Variants in RALGAPA2 observed in about 807,000 individuals in gnomAD.
RALGAPA2 encodes the protein Ral GTPase activating protein catalytic subunit alpha 2, also known as ral GTPase-activating protein subunit alpha-2.
RALGAPA2 carries 139 observed loss-of-function variants against 230.4 expected under a neutral mutation model. That is an observed-to-expected ratio of 0.60 (90% confidence interval 0.53 to 0.69). The LOEUF is 0.69. Ranked by LOEUF, RALGAPA2 falls within the 30% of genes least tolerant of loss-of-function variation. The pLI is 0.00. For synonymous variants in RALGAPA2, 847 were observed against 837.8 expected (o/e 1.01, Z -0.19); for missense variants, 2,163 against 2,276.0 (o/e 0.95, Z 1.01).
chr20:20,675,693 T>C (rs942393107), intron 3 of RALGAPA2, among the ~76,000 whole-genome samples: 9 of 152,128 alleles, frequency 5.9e-5, no homozygotes, highest in Non-Finnish European at 7.3e-5. Flanking sequence ...ATATGATCAA[T>C]GCACACAGAT....
chr20:20,589,310 T>C lies in RALGAPA2; in HGVS notation c.2397A>G (p.Gln799=). 6.3e-7 allele frequency: 1 copy of C among 1,590,150 alleles called. No homozygotes were observed. The highest frequency in any genetic ancestry group is 8.6e-7 in the Non-Finnish European group (1 of 1,166,562). Residue 799 remains glutamine (Q), a synonymous_variant, in exon 18 of 40, where the codon CAA becomes CAG. Transcript: ENST00000202677. ...CTCTCTTCACATGTCCTTTATTCTC[T>C]TGAATAGGCTGAGGCTCTGAAGAAC... ...NSSSSEPQPI[Q]ENKGHVKREH... is the part of the protein sequence containing the mutation.
intron 16 of RALGAPA2, among the ~76,000 whole-genome samples, chr20:20,601,053 T>C (rs2065629917): frequency 6.6e-6 from 1 of 151,586 alleles, no homozygotes; most frequent in Admixed American, 6.6e-5. Flanking sequence ...TGAGCTGAGA[T>C]CACACCATTG....
intron 10 of RALGAPA2, among the ~76,000 whole-genome samples, chr20:20,626,026 C>T (rs2066479802): frequency 2.0e-5 from 3 of 152,202 alleles, no homozygotes. Context: ...AGCATTTATT[C>T]CCAAGTCACT....
rs1179345417 is a variant in RALGAPA2, at chr20:20,511,696, A to G, written c.4857-371T>C. Among the ~76,000 whole-genome samples, 3 of 152,146 alleles carry G rather than the reference A, an allele frequency of 2.0e-5. No homozygotes were observed. In the South Asian group the frequency reaches 6.2e-4, roughly 32 times the overall value. ...CCAGCTCAAATCCTCCCCTTTCCAC[A>G]AAGTCTTCTCCATTGCTCTGTACTT... On this transcript the variant is annotated intron_variant, in intron 32 of 39. Coordinates refer to ENST00000202677, the MANE Select transcript of RALGAPA2 (RefSeq NM_020343.4).
intron 23 of RALGAPA2, among the ~76,000 whole-genome samples, chr20:20,551,479 C>A (rs983950171): frequency 2.0e-5 from 3 of 152,184 alleles, no homozygotes. Flanking sequence ...GTGAAAAGAT[C>A]ACTAAGATGA....
intron 38 of RALGAPA2, 132 bp from the exon 39 acceptor site, chr20:20,396,866 A>C: frequency 2.7e-6 from 2 of 740,588 alleles, no homozygotes; most frequent in Non-Finnish European, 4.6e-6. Flanking sequence ...CTTGTCAATC[A>C]GTAAAAACTG....
chr20:20,674,692 T>C (rs755441473), intron 3 of RALGAPA2, among the ~76,000 whole-genome samples: 17 of 152,212 alleles, frequency 1.1e-4, no homozygotes, highest in Non-Finnish European at 2.4e-4. Context: ...TTTAAAAACA[T>C]GGATAAATCT....
intron 35 of RALGAPA2, among the ~76,000 whole-genome samples, chr20:20,502,994 G>A (rs957249237): frequency 3.3e-5 from 5 of 152,158 alleles, no homozygotes; most frequent in African/African-American, 1.2e-4. Context: ...CAACAGTGGG[G>A]CGGCTGAGCA....
intron 20 of RALGAPA2, among the ~76,000 whole-genome samples, chr20:20,581,732 AT>A (rs535119916): frequency 1.4e-4 from 22 of 152,246 alleles, no homozygotes; most frequent in South Asian, 1.2e-3. Context: ...TCATATGTTA[AT>A]TTTATGAAGT....
At chr20:20,537,439 GT>G (rs1228404930) in intron 24 of RALGAPA2, among the ~76,000 whole-genome samples, 1 of 151,878 alleles carries the variant, frequency 6.6e-6, no homozygotes, top group Non-Finnish European at 1.5e-5. Context: ...GGCCAACATG[GT>G]GAAACCTCTT....
chr20:20,405,149 T>C (rs1182095468), intron 38 of RALGAPA2, among the ~76,000 whole-genome samples: 1 of 152,232 alleles, frequency 6.6e-6, no homozygotes, highest in African/African-American at 2.4e-5. Context: ...AGGCAAGTTT[T>C]CATTCTCCTC....
chr20:20,465,197 A>ACTCTCT (rs1556066775), intron 37 of RALGAPA2, among the ~76,000 whole-genome samples: 1 of 147,342 alleles, frequency 6.8e-6, no homozygotes, highest in Admixed American at 6.8e-5. Flanking sequence ...ACACACACAC[A>ACTCTCT]CTCTCTCATA....
chr20:20,459,122 G>C (rs1379611118), intron 37 of RALGAPA2, among the ~76,000 whole-genome samples: 1 of 151,818 alleles, frequency 6.6e-6, no homozygotes, highest in African/African-American at 2.4e-5. Flanking sequence ...ACTGAGCTTA[G>C]ATGGACCCCT....
At position 20,465,518 on chromosome 20, in the gene RALGAPA2, G is replaced by C. The variant is rs553365379; in HGVS notation, c.5495+7311C>G. 4.6e-5 allele frequency among the ~76,000 whole-genome samples: 7 copies of C among 152,282 alleles called. No individual in the cohort carries two copies. In the South Asian group the frequency reaches 1.0e-3, roughly 23 times the overall value. On this transcript the variant is annotated intron_variant, in intron 37 of 39. Coordinates refer to ENST00000202677, the MANE Select transcript of RALGAPA2 (RefSeq NM_020343.4). ...CCCACTGGGGATGGAGCTGAGAGAGGGGGGAAAGAGAGAAAGAAGGAAGAA... is the reference window on the plus strand; with the variant it reads ...CCCACTGGGGATGGAGCTGAGAGAGCGGGGAAAGAGAGAAAGAAGGAAGAA...
chr20:20,701,954 C>G (rs1255670165), intron 1 of RALGAPA2, among the ~76,000 whole-genome samples: 2 of 148,860 alleles, frequency 1.3e-5, no homozygotes, highest in Non-Finnish European at 3.0e-5. Flanking sequence ...GCAGGAGAAT[C>G]GCTTGAACCT....
chr20:20,538,322 C>T (rs933337575), intron 24 of RALGAPA2, among the ~76,000 whole-genome samples: 3 of 152,088 alleles, frequency 2.0e-5, no homozygotes, highest in African/African-American at 7.2e-5. Flanking sequence ...CTGCTAAGGG[C>T]CACAGAGGAG....
At chr20:20,568,420 T>C (rs1018211577) in intron 23 of RALGAPA2, among the ~76,000 whole-genome samples, 9 of 152,212 alleles carry the variant, frequency 5.9e-5, no homozygotes, top group African/African-American at 2.2e-4. Flanking sequence ...TACATTTTTC[T>C]GGCTGTTTGG....
chr20:20,676,346 A>C (rs1348642560), intron 2 of RALGAPA2, 58 bp from the exon 3 acceptor site: 6 of 1,179,474 alleles, frequency 5.1e-6, no homozygotes, highest in Non-Finnish European at 7.3e-6. Flanking sequence ...AGGACACTAC[A>C]AATTATGCTA....
chr20:20,710,947 A>G (rs748615442), intron 1 of RALGAPA2, among the ~76,000 whole-genome samples: 8 of 152,188 alleles, frequency 5.3e-5, no homozygotes, highest in Non-Finnish European at 1.2e-4. Flanking sequence ...AACTCCACAC[A>G]ATGCAACCTG....
Sources: gnomAD v4.1 joint callset for allele counts (sites outside exome capture counted in the v4.1 genomes callset) on GRCh38, gnomAD v4.1.1 for gene constraint, MANE v1.5 for transcripts, NCBI Gene and HGNC (gene_info 2026-07-23, HGNC 2026-07-21) for gene names.